Variants in KDM7A observed in about 807,000 individuals in gnomAD.
The protein encoded by KDM7A is lysine demethylase 7A.
In KDM7A, 28 loss-of-function variants were observed where a neutral mutation model predicts 114.8. The ratio of observed to expected loss-of-function variants is 0.24; its 90% CI spans 0.18 to 0.33. KDM7A has a LOEUF of 0.33. Ranked by LOEUF, KDM7A falls within the 10% of genes least tolerant of loss-of-function variation. KDM7A has a pLI of 1.00. For synonymous variants in KDM7A, 423 were observed against 397.8 expected (o/e 1.06, Z -0.75); for missense variants, 942 against 1,142.5 (o/e 0.82, Z 2.53).
intron 2 of KDM7A, among the ~76,000 whole-genome samples, chr7:140,136,853 G>A (rs972199775): frequency 2.6e-5 from 4 of 152,152 alleles, no homozygotes; most frequent in Non-Finnish European, 4.4e-5. Flanking sequence ...CAGGTGTGGT[G>A]GCACACAACC....
At position 140,107,917 on chromosome 7, in the gene KDM7A, C is replaced by T. The variant is rs531659267; in HGVS notation, c.1428+3178G>A. ...GTCACTTTCAGGTACACCTATCAGA[C>T]GTACATTTGGTCTTTTCATATAGTC... is the stretch of plus-strand genomic sequence containing the variant. On this transcript the variant is annotated intron_variant, in intron 11 of 19. Transcript: ENST00000397560. Among the ~76,000 whole-genome samples, 205 of 152,344 alleles carry T rather than the reference C, an allele frequency of 1.3e-3. 3 individuals carry two copies. The highest frequency in any genetic ancestry group is 4.5e-3 in the African/African-American group (189 of 41,580).
At chr7:140,155,293 A>T in intron 1 of KDM7A, among the ~76,000 whole-genome samples, 1 of 152,222 alleles carries the variant, frequency 6.6e-6, no homozygotes, top group South Asian at 2.1e-4. Context: ...CATATCTCTA[A>T]GCCAGCCATA....
Position 140,139,176 on chromosome 7 carries a change from T to C in KDM7A, c.209A>G (p.Glu70Gly). Residue 70 changes from glutamate to glycine, a missense_variant, in exon 2 of 20, where the codon GAA (glutamate) becomes GGA (glycine). Physicochemically the swap from Glu to Gly is moderately conservative, Grantham distance 98. This residue lies in a region of KDM7A where 318 missense variants were observed against 453.1 expected (regional missense o/e 0.70). Coordinates refer to ENST00000397560, the MANE Select transcript of KDM7A (RefSeq NM_030647.2). ...DWFHGSCVGV[E>G]EHHAVDIDLY... ...GTCAATGTCAACAGCATGATGTTCT[T>C]CTACTCCAACACAGCTAAGACAAAG... 6.2e-7 allele frequency: 1 copy of C among 1,613,110 alleles called. No individual in the cohort carries two copies. Among genetic ancestry groups the C allele is most frequent in the Non-Finnish European group, 8.5e-7 (1 of 1,179,370 alleles).
intron 1 of KDM7A, among the ~76,000 whole-genome samples, chr7:140,147,870 G>GT (rs1794355700): frequency 6.6e-6 from 1 of 152,166 alleles, no homozygotes; most frequent in Non-Finnish European, 1.5e-5. Flanking sequence ...GACTTGATTT[G>GT]ATTTCCAGCT....
Position 140,099,747 on chromosome 7 carries a change from G to A in KDM7A, c.1763+152C>T, listed in dbSNP as rs1277239649. ...ATGCCTGATGATATGAGGTGCAACA[G>A]TTTAATCCCAAAACCATTCCCTGGC... On this transcript the variant is annotated intron_variant, in intron 13 of 19. Coordinates refer to ENST00000397560, the MANE Select transcript of KDM7A (RefSeq NM_030647.2). 5 of 661,786 alleles carry A rather than the reference G, an allele frequency of 7.6e-6. No homozygotes were observed. The Admixed American group carries it at 9.9e-5, about 13-fold the overall frequency. The allele number at this position is 661,786 out of a possible 1,614,324, so 41.0% of individuals were successfully genotyped here.
chr7:140,105,692 G>C (rs1230296948), intron 11 of KDM7A, among the ~76,000 whole-genome samples: 1 of 152,202 alleles, frequency 6.6e-6, no homozygotes, highest in African/African-American at 2.4e-5. Flanking sequence ...TGGTTTGCCA[G>C]TATTTTACTG....
chr7:140,112,683 A>T (rs1818452523), intron 10 of KDM7A, among the ~76,000 whole-genome samples: 1 of 151,934 alleles, frequency 6.6e-6, no homozygotes, highest in African/African-American at 2.4e-5. Flanking sequence ...CTATTAAAGT[A>T]TTATGTGCAA....
chr7:140,091,110 G>T lies in KDM7A; in HGVS notation c.2810C>A (p.Ala937Glu), dbSNP rs1348312646. The T allele has an allele frequency of 6.2e-7, 1 of 1,612,740 alleles. No homozygotes were observed. The highest frequency in any genetic ancestry group is 8.5e-7 in the Non-Finnish European group (1 of 1,178,666). Residue 937 changes from alanine to glutamate, a missense_variant, in exon 20 of 20, where the codon GCA (alanine) becomes GAA (glutamate). Around this residue, in one of 4 missense-constraint regions of KDM7A, gnomAD observed 512 missense variants for 576.6 expected, o/e 0.89. Coordinates refer to ENST00000397560, the MANE Select transcript of KDM7A (RefSeq NM_030647.2). ...KILKLNRNGH[A>E]RFFV ...GCAGCTCTGTCACACAAAGAAACGT[G>T]CATGGCCATTTCTGTTCAACTTAAG...
At position 140,144,930 on chromosome 7, in the gene KDM7A, CT is replaced by C. The variant is rs1794324326; in HGVS notation, c.195-5741del. Among the ~76,000 whole-genome samples, 3 of 152,132 alleles carry C rather than the reference CT, an allele frequency of 2.0e-5. No homozygotes were observed. In the South Asian group the frequency reaches 6.2e-4, roughly 32 times the overall value. On this transcript the variant is annotated intron_variant, in intron 1 of 19. Coordinates refer to ENST00000397560, the MANE Select transcript of KDM7A (RefSeq NM_030647.2). ...GTACCTCTTCTCACCATGAGAGCACCTACTCCCCCTTCGCCTTCTGCCATGA... is the reference window on the plus strand; with the variant it reads ...GTACCTCTTCTCACCATGAGAGCACCACTCCCCCTTCGCCTTCTGCCATGA...
intron 11 of KDM7A, among the ~76,000 whole-genome samples, chr7:140,108,310 G>A (rs374509050): frequency 2.0e-5 from 3 of 152,124 alleles, no homozygotes; most frequent in African/African-American, 4.8e-5. Context: ...GTCCAGCTTC[G>A]TTCCGTTGCT....
At chr7:140,174,201 T>A (rs1028982691) in intron 1 of KDM7A, among the ~76,000 whole-genome samples, 4 of 151,862 alleles carry the variant, frequency 2.6e-5, no homozygotes, top group African/African-American at 9.7e-5. Context: ...GAATTAAACT[T>A]AATAAAAAGA....
intron 12 of KDM7A, among the ~76,000 whole-genome samples, chr7:140,100,660 T>TTATATATATATATATACACA (rs1818185180): frequency 2.5e-4 from 28 of 111,280 alleles, no homozygotes; most frequent in Non-Finnish European, 4.1e-4. Flanking sequence ...TTTTAAAAAG[T>TTATATATATATATATACACA]TATATATATA....
rs552253695 is a variant in KDM7A, at chr7:140,110,125, GCTGA to G, written c.1428+966_1428+969del. On this transcript the variant is annotated intron_variant, in intron 11 of 19. Transcript: ENST00000397560. ...TTTAAATTTGTAATACTAATTTAGA[GCTGA>G]CTGACACTCCCATTTAACTACTGTT... Among the ~76,000 whole-genome samples the G allele has an allele frequency of 5.8e-4, 60 of 103,240 alleles. 1 individual carries two copies. The highest frequency in any genetic ancestry group is 3.7e-3 in the South Asian group (13 of 3,474). The allele number at this position is 103,240 out of a possible 152,430, so 67.7% of individuals were successfully genotyped here.
chr7:140,162,209 C>A (rs1371044178), intron 1 of KDM7A, among the ~76,000 whole-genome samples: 1 of 152,006 alleles, frequency 6.6e-6, no homozygotes, highest in Admixed American at 6.6e-5. Context: ...GTGGCACATG[C>A]CTGTAATTCC....
rs1454995364 is a variant in KDM7A, at chr7:140,084,816, A to T, written c.*6278T>A. 6.6e-6 allele frequency: 1 copy of T among 152,222 alleles called. No homozygotes were observed. The highest frequency in any genetic ancestry group is 2.4e-5 in the African/African-American group (1 of 41,446). 9.4% of individuals were successfully genotyped at this position (152,222 alleles called of 1,614,324 possible). A position where few individuals can be genotyped will look rare whatever the true frequency, so the allele number is the denominator to read the frequency against. ...TACAATTTTCAACATTTATACTTTC[A>T]AACAAAATGAGCAAAAAATACACTA... On this transcript the variant is annotated 3_prime_UTR_variant, in exon 20 of 20. Coordinates refer to ENST00000397560, the MANE Select transcript of KDM7A (RefSeq NM_030647.2).
chr7:140,114,458 G>A (rs527539460), intron 9 of KDM7A, among the ~76,000 whole-genome samples: 9 of 150,658 alleles, frequency 6.0e-5, no homozygotes, highest in African/African-American at 1.5e-4. Context: ...ACGGAGTCTC[G>A]TTCACTCAGT....
chr7:140,100,737 TATATACATA>T (rs1818208525), intron 12 of KDM7A, among the ~76,000 whole-genome samples: 1 of 50,134 alleles, frequency 2.0e-5, no homozygotes, highest in African/African-American at 7.3e-5. Context: ...TATATATATA[TATATACATA>T]TATATTTTTT....
chr7:140,119,245 A>G lies in KDM7A; in HGVS notation c.1140-26T>C, dbSNP rs754299371. 4.7e-6 allele frequency: 6 copies of G among 1,268,126 alleles called. No individual in the cohort carries two copies. In the South Asian group the frequency reaches 7.1e-5, roughly 15 times the overall value. 78.6% of individuals were successfully genotyped at this position (1,268,126 alleles called of 1,614,324 possible). A position where few individuals can be genotyped will look rare whatever the true frequency, so the allele number is the denominator to read the frequency against. On this transcript the variant is annotated intron_variant, in intron 8 of 19. Transcript: ENST00000397560. ...CTAAATGAGTTTGAAGAAATTTTTAATATTAATATTAGAATTTCAAAGTTA... is the reference window on the plus strand; with the variant it reads ...CTAAATGAGTTTGAAGAAATTTTTAGTATTAATATTAGAATTTCAAAGTTA...
chr7:140,151,388 T>C (rs1323360371), intron 1 of KDM7A, among the ~76,000 whole-genome samples: 2 of 152,176 alleles, frequency 1.3e-5, no homozygotes, highest in Non-Finnish European at 2.9e-5. Flanking sequence ...TCTCACACAA[T>C]ATTTACTGAT....
Sources: allele counts gnomAD v4.1 joint callset (sites outside exome capture counted in the v4.1 genomes callset), GRCh38; gene constraint gnomAD v4.1.1; regional missense constraint gnomAD v4.1.1; transcripts MANE v1.5; gene names NCBI Gene and HGNC (gene_info 2026-07-23, HGNC 2026-07-21).